The following ERBB4 variants were observed in gnomAD, a reference collection of about 807,000 sequenced individuals.
The protein encoded by ERBB4 is erb-b2 receptor tyrosine kinase 4.
In ERBB4, 42 loss-of-function variants were observed where a neutral mutation model predicts 158.0. The observed-to-expected ratio is 0.27, with a 90% confidence interval of 0.21 to 0.34. ERBB4 has a LOEUF of 0.34. Among genes scored for constraint, ERBB4 ranks in the 10% least tolerant of loss-of-function variants. ERBB4 has a pLI of 1.00. For synonymous variants in ERBB4, 583 were observed against 558.7 expected (o/e 1.04, Z -0.61); for missense variants, 1,333 against 1,624.1 (o/e 0.82, Z 3.08).
intron 2 of ERBB4, among the ~76,000 whole-genome samples, chr2:212,056,277 G>A (rs2077565209): frequency 6.6e-6 from 1 of 152,226 alleles, no homozygotes; most frequent in African/African-American, 2.4e-5. Flanking sequence ...ATGGGACTAT[G>A]TGAAAACACC....
At chr2:211,939,648 C>T (rs1380442441) in intron 3 of ERBB4, among the ~76,000 whole-genome samples, 1 of 152,042 alleles carries the variant, frequency 6.6e-6, no homozygotes, top group Admixed American at 6.6e-5. Context: ...TTCATTCCCT[C>T]TAAAATATAG....
At chr2:212,122,141 TATAG>T (rs1428296590) in intron 2 of ERBB4, among the ~76,000 whole-genome samples, 9 of 151,630 alleles carry the variant, frequency 5.9e-5, no homozygotes, top group Admixed American at 5.3e-4. Context: ...CATATATGTA[TATAG>T]ATACACAAAC....
intron 20 of ERBB4, among the ~76,000 whole-genome samples, chr2:211,552,481 T>C (rs2125704201): frequency 6.6e-6 from 1 of 152,258 alleles, no homozygotes; most frequent in Middle Eastern, 3.4e-3. Context: ...GTGAATCATC[T>C]TGAAGGGTAC....
rs566498288 is a variant in ERBB4, at chr2:211,754,003, G to A, written c.557-3299C>T. Among the ~76,000 whole-genome samples the A allele has an allele frequency of 7.1e-4, 108 of 151,610 alleles. 2 individuals carry two copies. The highest frequency in any genetic ancestry group is 2.4e-3 in the African/African-American group (99 of 41,386). On this transcript the variant is annotated intron_variant, in intron 4 of 27. Transcript: ENST00000342788. ...CTCCCGAGTAGCTGGGACTACAGGC[G>A]CCTGCCACCACGCCCGGCTAATTTT...
At chr2:212,347,082 T>C (rs955963803) in intron 1 of ERBB4, among the ~76,000 whole-genome samples, 3 of 152,114 alleles carry the variant, frequency 2.0e-5, no homozygotes, top group East Asian at 1.9e-4. Flanking sequence ...AGTGCTAACA[T>C]TGTAAGATAC....
At chr2:211,760,637 C>T (rs1314093361) in intron 4 of ERBB4, among the ~76,000 whole-genome samples, 7 of 152,176 alleles carry the variant, frequency 4.6e-5, no homozygotes, top group Non-Finnish European at 1.0e-4. Context: ...TCACCTGTTA[C>T]TGGTTGTGTC....
chr2:211,761,228 A>AAAGC (rs1394222896), intron 4 of ERBB4, among the ~76,000 whole-genome samples: 32 of 151,912 alleles, frequency 2.1e-4, no homozygotes, highest in African/African-American at 7.5e-4. Context: ...AAGAAAATAA[A>AAAGC]AAGCATCCTT....
At chr2:212,258,297 A>T (rs2084812744) in intron 1 of ERBB4, among the ~76,000 whole-genome samples, 2 of 151,990 alleles carry the variant, frequency 1.3e-5, no homozygotes, top group African/African-American at 4.8e-5. Flanking sequence ...TAGTTACATT[A>T]ACAAAAATCA....
At chr2:211,716,331 CA>C (rs1400628604) in intron 7 of ERBB4, among the ~76,000 whole-genome samples, 1 of 129,132 alleles carries the variant, frequency 7.7e-6, no homozygotes, top group Non-Finnish European at 1.6e-5. Flanking sequence ...CATTGCACTC[CA>C]GCCTGGGCAA....
chr2:211,994,632 T>C lies in ERBB4; in HGVS notation c.235-47016A>G, dbSNP rs187262644. Among the ~76,000 whole-genome samples the C allele has an allele frequency of 1.6e-3, 242 of 152,316 alleles. 4 individuals are homozygous for C. Among genetic ancestry groups the C allele is most frequent in the Non-Finnish European group, 1.2e-3 (83 of 68,032 alleles). ...TACATTTTTATCCAAACAATAGTTTTATTCCAGACAATATTTCTGAACAAC... is the reference window on the plus strand; with the variant it reads ...TACATTTTTATCCAAACAATAGTTTCATTCCAGACAATATTTCTGAACAAC... On this transcript the variant is annotated intron_variant, in intron 2 of 27. Coordinates refer to ENST00000342788, the MANE Select transcript of ERBB4 (RefSeq NM_005235.3).
chr2:211,910,422 G>A, intron 3 of ERBB4, among the ~76,000 whole-genome samples: 1 of 145,004 alleles, frequency 6.9e-6, no homozygotes, highest in African/African-American at 2.5e-5. Flanking sequence ...TAAGGATAAT[G>A]GCCTCCACCA....
At chr2:212,154,172 TCTA>T (rs2080960215) in intron 1 of ERBB4, among the ~76,000 whole-genome samples, 1 of 152,130 alleles carries the variant, frequency 6.6e-6, no homozygotes, top group Admixed American at 6.6e-5. Context: ...CAACTGCAAT[TCTA>T]CTAAGAGTTG....
intron 2 of ERBB4, among the ~76,000 whole-genome samples, chr2:211,985,470 C>T (rs1416302006): frequency 1.3e-5 from 2 of 152,112 alleles, no homozygotes; most frequent in Non-Finnish European, 2.9e-5. Flanking sequence ...TCCAGCAGAA[C>T]AGCTTCAAAG....
At chr2:211,425,085 C>A (rs1000626115) in intron 22 of ERBB4, among the ~76,000 whole-genome samples, 2 of 152,000 alleles carry the variant, frequency 1.3e-5, no homozygotes, top group African/African-American at 4.8e-5. Flanking sequence ...CACTAAATAT[C>A]TTTTTTGTAA....
At chr2:212,524,057 A>G (rs1391907987) in intron 1 of ERBB4, among the ~76,000 whole-genome samples, 6 of 151,940 alleles carry the variant, frequency 3.9e-5, no homozygotes, top group Admixed American at 3.9e-4. Context: ...GACAGTTATC[A>G]TGTCCCCTTC....
Position 212,391,674 on chromosome 2 carries a change from ATATATATTATATATATTATAT to A in ERBB4, c.82+146754_82+146774del, listed in dbSNP as rs1231698831. Among the ~76,000 whole-genome samples the A allele has an allele frequency of 2.3e-4, 30 of 128,866 alleles. 1 individual carries two copies. The South Asian group carries it at 3.4e-3, about 15-fold the overall frequency. 84.5% of individuals were successfully genotyped at this position (128,866 alleles called of 152,430 possible). On this transcript the variant is annotated intron_variant, in intron 1 of 27. Coordinates refer to ENST00000342788, the MANE Select transcript of ERBB4 (RefSeq NM_005235.3). Reference sequence around the variant, plus strand: ...TATATTATATTATGTATTATATTTTATATATATTATATATATTATATTATATATTATATATATTGACATATA... The same window carrying A: ...TATATTATATTATGTATTATATTTTATATATATTATATATATTGACATATA...
chr2:211,679,321 G>T, intron 12 of ERBB4, 137 bp from the exon 13 acceptor site: 2 of 879,334 alleles, frequency 2.3e-6, no homozygotes, highest in Non-Finnish European at 3.6e-6. Flanking sequence ...CTATCCCATC[G>T]TCATGTCCCA....
At chr2:211,569,543 CAG>C (rs1218512429) in intron 19 of ERBB4, among the ~76,000 whole-genome samples, 2 of 152,224 alleles carry the variant, frequency 1.3e-5, no homozygotes, top group East Asian at 1.9e-4. Flanking sequence ...CAAAAATAAA[CAG>C]AGTGTTGTGA....
intron 1 of ERBB4, among the ~76,000 whole-genome samples, chr2:212,200,639 G>T (rs542458753): frequency 4.8e-4 from 73 of 152,268 alleles, no homozygotes; most frequent in African/African-American, 1.5e-3. Flanking sequence ...TAGGCCAACT[G>T]GATAGCAACT....
Sources: allele counts gnomAD v4.1 joint callset (sites outside exome capture counted in the v4.1 genomes callset), GRCh38; gene constraint gnomAD v4.1.1; transcripts MANE v1.5; gene names NCBI Gene and HGNC (gene_info 2026-07-23, HGNC 2026-07-21).